The following CTNS variants were observed in gnomAD, a reference collection of about 807,000 sequenced individuals.
The protein encoded by CTNS is cystinosin, lysosomal cystine transporter.
A neutral mutation model predicts 43.7 loss-of-function variants in CTNS; 27 were observed. That is an observed-to-expected ratio of 0.62 (90% CI 0.46 to 0.85). The LOEUF is 0.85. CTNS is among the 40% of genes least tolerant of loss of function. The pLI is 0.00. For synonymous variants in CTNS, 187 were observed against 190.6 expected (o/e 0.98, Z 0.16); for missense variants, 457 against 475.4 (o/e 0.96, Z 0.36).
Position 3,658,127 on chromosome 17 carries a change from C to T in CTNS, c.804C>T (p.Cys268=). ...CCACGTGGCTGCAGTTTCTCTTCTG[C>T]TTCTCCTACATCAAGCTCGCAGTCA... is the stretch of plus-strand genomic sequence containing the variant. ...GVTTWLQFLF[C]FSYIKLAVTL... Residue 268 remains cysteine, a synonymous_variant, in exon 10 of 12, where the codon TGC becomes TGT. Transcript: ENST00000046640. 1.2e-6 allele frequency: 2 copies of T among 1,612,272 alleles called. No individual in the cohort carries two copies. Among genetic ancestry groups the T allele is most frequent in the Non-Finnish European group, 8.5e-7 (1 of 1,179,794 alleles).
At position 3,660,965 on chromosome 17, in the gene CTNS, C is replaced by A; in HGVS notation, c.*596C>A. The A allele has an allele frequency of 1.6e-6, 1 of 616,888 alleles. No homozygotes were observed. The highest frequency in any genetic ancestry group is 2.8e-6 in the Non-Finnish European group (1 of 354,396). 38.2% of individuals were successfully genotyped at this position (616,888 alleles called of 1,614,324 possible). On this transcript the variant is annotated 3_prime_UTR_variant, in exon 12 of 12. Transcript: ENST00000046640. ...CAGCCCTACCCAGAGTATTTCTGAG[C>A]CATGAGGGGCCCACCAGATTGGTTC... is the stretch of plus-strand genomic sequence containing the variant.
At chr17:3,651,753 A>C (rs2075988788) in intron 5 of CTNS, among the ~76,000 whole-genome samples, 1 of 151,858 alleles carries the variant, frequency 6.6e-6, no homozygotes. Flanking sequence ...TGGGCGGATC[A>C]CCTGAGGTCA....
At chr17:3,651,856 C>T (rs953602077) in intron 5 of CTNS, among the ~76,000 whole-genome samples, 1 of 151,578 alleles carries the variant, frequency 6.6e-6, no homozygotes, top group Admixed American at 6.6e-5. Context: ...CGCCTATAAT[C>T]CCAGCTACTC....
Position 3,660,655 on chromosome 17 carries a change from G to C in CTNS, c.*286G>C. ...CGCACAGGCTCTGGCAGCCGTCTCAGGCAGGACTGGGCACCAAGCTTGCAG... is the reference window on the plus strand; with the variant it reads ...CGCACAGGCTCTGGCAGCCGTCTCACGCAGGACTGGGCACCAAGCTTGCAG... On this transcript the variant is annotated 3_prime_UTR_variant, in exon 12 of 12. Transcript: ENST00000046640. 1 of 1,613,612 alleles carries C rather than the reference G, an allele frequency of 6.2e-7. No homozygotes were observed. The highest frequency in any genetic ancestry group is 8.5e-7 in the Non-Finnish European group (1 of 1,180,034).
intron 5 of CTNS, chr17:3,650,263 T>G: frequency 6.5e-7 from 1 of 1,550,318 alleles, no homozygotes; most frequent in East Asian, 2.4e-5. Context: ...CTGAGCCCCC[T>G]AGGAAGCAAA....
rs1298341810 is a variant in CTNS, at chr17:3,660,884, C to T, written c.*515C>T. On this transcript the variant is annotated 3_prime_UTR_variant, in exon 12 of 12. Coordinates refer to ENST00000046640, the MANE Select transcript of CTNS (RefSeq NM_004937.3). ...GCCATGGGGCTCTTTCTCTGAAGGC[C>T]ACTTTCCTGACGTACTCTCTGTACA... 1.7e-6 allele frequency: 2 copies of T among 1,178,658 alleles called. No homozygotes were observed. The highest frequency in any genetic ancestry group is 1.5e-5 in the African/African-American group (1 of 66,258). 73.0% of individuals were successfully genotyped at this position (1,178,658 alleles called of 1,614,324 possible). A position where few individuals can be genotyped will look rare whatever the true frequency, so the allele number is the denominator to read the frequency against.
Position 3,643,464 on chromosome 17 carries a change from C to T in CTNS, c.61+3197C>T, listed in dbSNP as rs571310301. 4.6e-5 allele frequency among the ~76,000 whole-genome samples: 7 copies of T among 152,234 alleles called. No individual in the cohort carries two copies. The East Asian group carries it at 1.3e-3, about 29-fold the overall frequency. On this transcript the variant is annotated intron_variant, in intron 3 of 11. Transcript: ENST00000046640. ...AAAAACCTGGCCAAGCATGGTGGCT[C>T]ATACCTGTAATCCCAACACTTTGGG...
chr17:3,654,967 G>A (rs775908663), intron 5 of CTNS, 31 bp from the exon 6 acceptor site: 2 of 1,507,036 alleles, frequency 1.3e-6, no homozygotes, highest in Non-Finnish European at 1.8e-6. Flanking sequence ...ACTGTACGTG[G>A]CATCGGATTG....
At chr17:3,654,148 G>A (rs984848679) in intron 5 of CTNS, among the ~76,000 whole-genome samples, 6 of 152,176 alleles carry the variant, frequency 3.9e-5, no homozygotes, top group Non-Finnish European at 5.9e-5. Context: ...CAGTGGCCCC[G>A]TTTGCCATGC....
chr17:3,650,335 C>T (rs1470920287), intron 5 of CTNS: 13 of 1,547,762 alleles, frequency 8.4e-6, no homozygotes, highest in Middle Eastern at 2.1e-4. Context: ...AATATAGCAT[C>T]GCTGGCTGCA....
In CTNS at chr17:3,656,498, T is replaced by C. The variant is rs113994206; in HGVS notation, c.473T>C (p.Leu158Pro). The change falls in exon 8 of 12, where the codon CTG becomes CCG. Residue 158 changes from leucine (L) to proline (P), a missense_variant. Transcript: ENST00000046640. Reference sequence around the variant, plus strand: ...TCCACCCCCTGCAGTGTCATTGGTCTGAGCTTCGACTTCGTGGCTCTGAAC... The same window carrying C: ...TCCACCCCCTGCAGTGTCATTGGTCCGAGCTTCGACTTCGTGGCTCTGAAC... The part of the protein sequence containing the change: ...MNWRRKSVIG[L>P]SFDFVALNLT... 178 of 1,598,042 alleles carry C rather than the reference T, an allele frequency of 1.1e-4. No individual in the cohort carries two copies. The highest frequency in any genetic ancestry group is 1.4e-4 in the Non-Finnish European group (164 of 1,176,026).
Position 3,655,084 on chromosome 17 carries a change from TCACTC to T in CTNS, c.315_319del (p.His105GlnfsTer18). ...AACTTACTGTTTATCTACATGGAAA[TCACTC>T]CAATCAGACCGGGTAGGCTGGCCTC... On this transcript the variant is annotated frameshift_variant, in exon 6 of 12. Coordinates refer to ENST00000046640, the MANE Select transcript of CTNS (RefSeq NM_004937.3). LOFTEE classifies it high-confidence loss of function. The T allele has an allele frequency of 1.2e-6, 2 of 1,613,972 alleles. No homozygotes were observed. The highest frequency in any genetic ancestry group is 1.7e-6 in the Non-Finnish European group (2 of 1,179,884).
chr17:3,640,234 A>G lies in CTNS; in HGVS notation c.28A>G (p.Ile10Val), dbSNP rs777799893. The change falls in exon 3 of 12, where the codon ATC becomes GTC. Residue 10 changes from isoleucine to valine, a missense_variant. Transcript: ENST00000046640. ...GATAAGGAATTGGCTGACTATTTTT[A>G]TCCTTTTTCCCCTGAAGCTCGTAGA... is the stretch of plus-strand genomic sequence containing the variant. MIRNWLTIF[I>V]LFPLKLVEKC... The G allele has an allele frequency of 6.2e-7, 1 of 1,614,060 alleles. No homozygotes were observed. The highest frequency in any genetic ancestry group is 1.3e-5 in the African/African-American group (1 of 74,952).
chr17:3,652,452 C>T (rs1007706873), intron 5 of CTNS, among the ~76,000 whole-genome samples: 1 of 151,948 alleles, frequency 6.6e-6, no homozygotes, highest in African/African-American at 2.4e-5. Flanking sequence ...ATTAGCCAAG[C>T]GTGGTGGCAA....
intron 5 of CTNS, among the ~76,000 whole-genome samples, chr17:3,653,559 C>T (rs561029279): frequency 1.3e-5 from 2 of 152,014 alleles, no homozygotes; most frequent in Admixed American, 6.6e-5. Context: ...ATCCTGCTCC[C>T]CATCACTGCA....
intron 7 of CTNS, 24 bp from the exon 8 acceptor site, chr17:3,656,463 G>T (rs775873457): frequency 1.4e-5 from 22 of 1,536,926 alleles, no homozygotes; most frequent in Admixed American, 9.7e-5. Context: ...CCCCTGCCCT[G>T]TCTTGTCCCT....
At chr17:3,641,466 A>C in intron 3 of CTNS, among the ~76,000 whole-genome samples, 1 of 130,890 alleles carries the variant, frequency 7.6e-6, no homozygotes, top group South Asian at 2.5e-4. Context: ...ATCTCAGCCC[A>C]CTGCAACCTC....
chr17:3,640,254 C>G lies in CTNS; in HGVS notation c.48C>G (p.Leu16=). ...TTTTTATCCTTTTTCCCCTGAAGCT[C>G]GTAGAGAAATGTGGTAAGTTTAGAA... is the stretch of plus-strand genomic sequence containing the variant. ...LTIFILFPLK[L]VEKCESSVSL... Residue 16 remains leucine (L), a synonymous_variant, in exon 3 of 12, where the codon CTC becomes CTG. Coordinates refer to ENST00000046640, the MANE Select transcript of CTNS (RefSeq NM_004937.3). 2 of 1,613,958 alleles carry G rather than the reference C, an allele frequency of 1.2e-6. No individual in the cohort carries two copies. The highest frequency in any genetic ancestry group is 1.7e-6 in the Non-Finnish European group (2 of 1,179,870).
chr17:3,658,995 G>A (rs933200525), intron 10 of CTNS, among the ~76,000 whole-genome samples: 27 of 152,088 alleles, frequency 1.8e-4, no homozygotes, highest in African/African-American at 6.3e-4. Context: ...GGAGGGGAAG[G>A]TTTGGGGAAG....
Sources: gnomAD v4.1 joint callset for allele counts (sites outside exome capture counted in the v4.1 genomes callset) on GRCh38, gnomAD v4.1.1 for gene constraint, MANE v1.5 for transcripts, NCBI Gene and HGNC (gene_info 2026-07-23, HGNC 2026-07-21) for gene names.